Variants in RBMS3 observed in about 807,000 individuals in gnomAD.
RBMS3 encodes RNA-binding motif, single-stranded-interacting protein 3.
In RBMS3, 27 loss-of-function variants were observed where a neutral mutation model predicts 66.8. The ratio of observed to expected loss-of-function variants is 0.40; its 90% CI spans 0.30 to 0.56. The LOEUF is 0.56. Ranked by LOEUF, RBMS3 falls within the 20% of genes least tolerant of loss-of-function variation. RBMS3 has a pLI of 0.40. For missense variants in RBMS3, 513 were observed against 549.5 expected (o/e 0.93, Z 0.66); for synonymous variants, 188 against 183.0 (o/e 1.03, Z -0.22).
intron 4 of RBMS3, among the ~76,000 whole-genome samples, chr3:29,701,971 C>T (rs1005341548): frequency 5.3e-5 from 8 of 152,170 alleles, no homozygotes; most frequent in Admixed American, 2.0e-4. Context: ...GGCCGTGGCG[C>T]GGGATCCACT....
chr3:29,722,609 C>A (rs1268980539), intron 4 of RBMS3, among the ~76,000 whole-genome samples: 3 of 151,990 alleles, frequency 2.0e-5, no homozygotes, highest in African/African-American at 7.2e-5. Flanking sequence ...ATGTTAGATT[C>A]GTAAGTCTCT....
In RBMS3 at chr3:29,535,710, C is replaced by CTTTTTTTTTTTTTTTTTTTT. The variant is rs149022808; in HGVS notation, c.307+47223_307+47242dup. ...GAGTTCAATGATTGAGATCATTGCT[C>CTTTTTTTTTTTTTTTTTTTT]TTTTTTTTTTTTTTTTTTTTTTTTT... On this transcript the variant is annotated intron_variant, in intron 3 of 14. Coordinates refer to ENST00000383767, the MANE Select transcript of RBMS3 (RefSeq NM_001003793.3). Among the ~76,000 whole-genome samples, 14 of 39,742 alleles carry CTTTTTTTTTTTTTTTTTTTT rather than the reference C, an allele frequency of 3.5e-4. 5 individuals carry two copies. Among genetic ancestry groups the CTTTTTTTTTTTTTTTTTTTT allele is most frequent in the African/African-American group, 1.1e-3 (11 of 9,858 alleles). The allele number at this position is 39,742 out of a possible 152,430, so 26.1% of individuals were successfully genotyped here.
chr3:29,540,289 A>C (rs1414381815), intron 3 of RBMS3, among the ~76,000 whole-genome samples: 1 of 152,190 alleles, frequency 6.6e-6, no homozygotes, highest in Non-Finnish European at 1.5e-5. Flanking sequence ...CTTCCCTGAT[A>C]TATTATGACA....
chr3:29,892,922 G>A (rs2060038954), intron 8 of RBMS3, among the ~76,000 whole-genome samples: 1 of 150,954 alleles, frequency 6.6e-6, no homozygotes, highest in Non-Finnish European at 1.5e-5. Flanking sequence ...GGCAGGGACT[G>A]AAAAAAAGCT....
intron 3 of RBMS3, among the ~76,000 whole-genome samples, chr3:29,566,054 A>G (rs1487644686): frequency 1.3e-5 from 2 of 152,230 alleles, no homozygotes; most frequent in African/African-American, 4.8e-5. Flanking sequence ...TTAATTTGTT[A>G]GGAATTTGCT....
At chr3:29,860,813 T>C (rs1577016640) in intron 6 of RBMS3, among the ~76,000 whole-genome samples, 1 of 152,222 alleles carries the variant, frequency 6.6e-6, no homozygotes. Flanking sequence ...AGCTTTTTAA[T>C]GTACAAGTCA....
At chr3:29,925,915 T>TA (rs2060925795) in intron 10 of RBMS3, among the ~76,000 whole-genome samples, 1 of 152,152 alleles carries the variant, frequency 6.6e-6, no homozygotes, top group Admixed American at 6.5e-5. Flanking sequence ...GAAATGGCAA[T>TA]AAAATCTAAG....
At chr3:29,491,478 C>T (rs1394771466) in intron 3 of RBMS3, among the ~76,000 whole-genome samples, 2 of 152,110 alleles carry the variant, frequency 1.3e-5, no homozygotes, top group Non-Finnish European at 1.5e-5. Flanking sequence ...TTAATATAAT[C>T]TTACAAATAC....
intron 1 of RBMS3, among the ~76,000 whole-genome samples, chr3:29,372,493 T>A (rs1320876171): frequency 1.4e-5 from 2 of 146,590 alleles, no homozygotes; most frequent in Admixed American, 7.1e-5. Flanking sequence ...AACAGAAATA[T>A]TTCAGAAATT....
rs148015878 is a variant in RBMS3 at position 29,859,052 on chromosome 3, T to A, written c.638-9806T>A. ...TTACTGAGGGATAAAATTAGGCATG[T>A]GCATGAAAATTACATTTTTTCAACG... On this transcript the variant is annotated intron_variant, in intron 6 of 14. Coordinates refer to ENST00000383767, the MANE Select transcript of RBMS3 (RefSeq NM_001003793.3). Among the ~76,000 whole-genome samples, 43 of 152,342 alleles carry A rather than the reference T, an allele frequency of 2.8e-4. 1 individual carries two copies. The East Asian group carries it at 7.9e-3, about 28-fold the overall frequency.
At chr3:29,851,419 A>G (rs915475784) in intron 6 of RBMS3, among the ~76,000 whole-genome samples, 10 of 152,164 alleles carry the variant, frequency 6.6e-5, no homozygotes, top group African/African-American at 2.2e-4. Flanking sequence ...GGGATTATAT[A>G]CTGGTTCTGA....
intron 1 of RBMS3, among the ~76,000 whole-genome samples, chr3:29,336,964 A>T (rs1036342736): frequency 6.6e-6 from 1 of 152,178 alleles, no homozygotes; most frequent in African/African-American, 2.4e-5. Context: ...CTTTTAAAGT[A>T]TACAGTTTTA....
rs535962489 is a variant in RBMS3 at position 29,699,635 on chromosome 3, C to T, written c.400-40085C>T. Among the ~76,000 whole-genome samples the T allele has an allele frequency of 1.1e-4, 17 of 152,120 alleles. No homozygotes were observed. In the East Asian group the frequency reaches 2.3e-3, roughly 21 times the overall value. On this transcript the variant is annotated intron_variant, in intron 4 of 14. Coordinates refer to ENST00000383767, the MANE Select transcript of RBMS3 (RefSeq NM_001003793.3). ...CTTTTTTTCTCAGTTAACATTGTGA[C>T]GTAAGTATTACCTATGTCAAAAATA...
chr3:29,441,814 C>T (rs1021955854), intron 2 of RBMS3, among the ~76,000 whole-genome samples: 8 of 152,166 alleles, frequency 5.3e-5, no homozygotes, highest in African/African-American at 1.9e-4. Context: ...TAATGATGCT[C>T]ACACAAATCG....
At chr3:29,617,898 G>A (rs1443577548) in intron 4 of RBMS3, among the ~76,000 whole-genome samples, 1 of 152,068 alleles carries the variant, frequency 6.6e-6, no homozygotes, top group African/African-American at 2.4e-5. Context: ...TGCGCTTATC[G>A]GACTTATATC....
intron 7 of RBMS3, among the ~76,000 whole-genome samples, chr3:29,869,350 G>C (rs1221833944): frequency 6.6e-6 from 1 of 152,042 alleles, no homozygotes; most frequent in Non-Finnish European, 1.5e-5. Context: ...TTTGAAACAG[G>C]CAGACAAAAT....
At chr3:29,922,411 C>A (rs1338445479) in intron 10 of RBMS3, among the ~76,000 whole-genome samples, 1 of 150,002 alleles carries the variant, frequency 6.7e-6, no homozygotes, top group Non-Finnish European at 1.5e-5. Flanking sequence ...GGCGTGAACC[C>A]GGGAAGCGGA....
chr3:29,886,264 T>C (rs1361327778), intron 8 of RBMS3, among the ~76,000 whole-genome samples: 1 of 151,862 alleles, frequency 6.6e-6, no homozygotes, highest in East Asian at 1.9e-4. Flanking sequence ...CAAAAAGTCA[T>C]ATCAAAATAG....
intron 1 of RBMS3, among the ~76,000 whole-genome samples, chr3:29,312,544 C>T (rs1049713259): frequency 4.0e-5 from 6 of 151,676 alleles, no homozygotes; most frequent in Non-Finnish European, 5.9e-5. Flanking sequence ...AATTAATTCT[C>T]ATTCTTTCTG....
Sources: allele counts gnomAD v4.1 joint callset (sites outside exome capture counted in the v4.1 genomes callset), GRCh38; gene constraint gnomAD v4.1.1; transcripts MANE v1.5; gene names NCBI Gene and HGNC (gene_info 2026-07-23, HGNC 2026-07-21).